The following TNR variants were observed in gnomAD, a reference collection of about 807,000 sequenced individuals.
TNR encodes tenascin-R.
In TNR, 45 loss-of-function variants were observed where a neutral mutation model predicts 150.4. That is an observed-to-expected ratio of 0.30 (90% CI 0.24 to 0.38). The LOEUF (loss-of-function observed/expected upper bound fraction) is 0.38. Among genes scored for constraint, TNR ranks in the 10% least tolerant of loss-of-function variants. TNR has a pLI of 1.00. For missense variants in TNR, 1,544 were observed against 1,759.1 expected (o/e 0.88, Z 2.19); for synonymous variants, 687 against 678.4 (o/e 1.01, Z -0.20).
At chr1:175,554,220 TG>T (rs1364375210) in intron 1 of TNR, among the ~76,000 whole-genome samples, 1 of 151,892 alleles carries the variant, frequency 6.6e-6, no homozygotes, top group African/African-American at 2.4e-5. Context: ...GAGTCAAAGG[TG>T]CTATCATTTC....
chr1:175,409,343 G>A lies in TNR; in HGVS notation c.-63-2566C>T, dbSNP rs1472007974. 2.0e-5 allele frequency among the ~76,000 whole-genome samples: 3 copies of A among 152,290 alleles called. No individual in the cohort carries two copies. The East Asian group carries it at 5.8e-4, about 29-fold the overall frequency. ...TGCACATAGTTGACACTCAAAATAA[G>A]TGAATGAATAAATGACATTATCAAC... is the stretch of plus-strand genomic sequence containing the variant. On this transcript the variant is annotated intron_variant, in intron 2 of 22. Coordinates refer to ENST00000367674, the MANE Select transcript of TNR (RefSeq NM_003285.3).
intron 10 of TNR, among the ~76,000 whole-genome samples, chr1:175,366,670 A>G (rs1048847607): frequency 2.0e-5 from 3 of 152,262 alleles, no homozygotes; most frequent in African/African-American, 7.2e-5. Context: ...AGCCCAGCCC[A>G]GGCTGCTAGT....
At chr1:175,717,462 T>G (rs1324007266) in intron 1 of TNR, among the ~76,000 whole-genome samples, 1 of 152,170 alleles carries the variant, frequency 6.6e-6, no homozygotes, top group Non-Finnish European at 1.5e-5. Context: ...ACTTTTAAAG[T>G]GTTCATCATT....
At chr1:175,468,753 T>C (rs749518376) in intron 2 of TNR, among the ~76,000 whole-genome samples, 13 of 152,146 alleles carry the variant, frequency 8.5e-5, no homozygotes, top group Non-Finnish European at 1.6e-4. Context: ...CCGCAGGTGC[T>C]TCAGTGTGGC....
At chr1:175,539,215 A>C (rs1660405484) in intron 1 of TNR, 1 of 152,270 alleles carries the variant, frequency 6.6e-6, no homozygotes, top group Non-Finnish European at 1.5e-5. Flanking sequence ...AAGGAAAAGA[A>C]AAAAGAAACA....
At chr1:175,422,514 G>C (rs1654793926) in intron 2 of TNR, among the ~76,000 whole-genome samples, 1 of 152,206 alleles carries the variant, frequency 6.6e-6, no homozygotes, top group Non-Finnish European at 1.5e-5. Flanking sequence ...TGGGAGAACT[G>C]CTGCTGGGAG....
chr1:175,662,363 C>T (rs1017229953), intron 1 of TNR, among the ~76,000 whole-genome samples: 2 of 152,016 alleles, frequency 1.3e-5, no homozygotes, highest in Admixed American at 6.5e-5. Flanking sequence ...GCCCGGTGGA[C>T]TCATTCCTGT....
chr1:175,370,273 G>A (rs960908599), intron 9 of TNR, among the ~76,000 whole-genome samples: 1 of 150,182 alleles, frequency 6.7e-6, no homozygotes, highest in Non-Finnish European at 1.5e-5. Flanking sequence ...CCAGTGCCTG[G>A]ATCTTAGCGG....
intron 2 of TNR, among the ~76,000 whole-genome samples, chr1:175,437,349 A>G (rs1655557739): frequency 6.6e-6 from 1 of 152,242 alleles, no homozygotes; most frequent in African/African-American, 2.4e-5. Context: ...GACACAACTT[A>G]CCAGAATCTC....
intron 2 of TNR, among the ~76,000 whole-genome samples, chr1:175,466,508 C>T (rs1180203381): frequency 6.6e-6 from 1 of 152,168 alleles, no homozygotes; most frequent in Non-Finnish European, 1.5e-5. Context: ...AACAAGCACC[C>T]CTTGCAAGAG....
At chr1:175,338,090 T>C (rs1464526586) in intron 18 of TNR, among the ~76,000 whole-genome samples, 2 of 152,220 alleles carry the variant, frequency 1.3e-5, no homozygotes, top group Non-Finnish European at 2.9e-5. Flanking sequence ...TACAGATGCA[T>C]GGGCCAAAAT....
chr1:175,702,861 G>A (rs891481746), intron 1 of TNR, among the ~76,000 whole-genome samples: 8 of 152,168 alleles, frequency 5.3e-5, no homozygotes, highest in African/African-American at 1.7e-4. Flanking sequence ...CTTGAAACAC[G>A]TAAAATCCTT....
intron 2 of TNR, among the ~76,000 whole-genome samples, chr1:175,472,837 A>G (rs1191913344): frequency 6.6e-6 from 1 of 152,088 alleles, no homozygotes. Flanking sequence ...TGGGCTTGTG[A>G]TGAATCAGGC....
chr1:175,447,422 A>G (rs1656104694), intron 2 of TNR, among the ~76,000 whole-genome samples: 1 of 152,170 alleles, frequency 6.6e-6, no homozygotes, highest in Non-Finnish European at 1.5e-5. Context: ...CATGGGTCTT[A>G]CATCATTCAT....
chr1:175,640,188 C>G lies in TNR; in HGVS notation c.-165+103038G>C, dbSNP rs143383885. The stretch of plus-strand genomic sequence containing the variant: ...AGCCTGAAGATTTTATCCCTGTATG[C>G]CTTCTACACAGCTTAAATTCAGATA... On this transcript the variant is annotated intron_variant, in intron 1 of 22. Coordinates refer to ENST00000367674, the MANE Select transcript of TNR (RefSeq NM_003285.3). 1.7e-3 allele frequency among the ~76,000 whole-genome samples: 253 copies of G among 152,304 alleles called. 3 individuals are homozygous for G. Among genetic ancestry groups the G allele is most frequent in the African/African-American group, 6.0e-3 (248 of 41,560 alleles).
intron 2 of TNR, among the ~76,000 whole-genome samples, chr1:175,479,565 A>C (rs917210242): frequency 6.6e-6 from 1 of 152,152 alleles, no homozygotes; most frequent in African/African-American, 2.4e-5. Flanking sequence ...GAGCCCCATC[A>C]GCAATTTTTG....
chr1:175,396,762 G>A lies in TNR; in HGVS notation c.1022C>T (p.Ser341Phe), dbSNP rs1216740543. ...DLRVAGISDRSIELEWDGPMA... is the reference protein window; with the variant it reads ...DLRVAGISDRFIELEWDGPMA... ...CGGCCCGTCCCATTCCAGCTCAATG[G>A]ACCTGTCGCTGATACCAGCCACTCG... Residue 341 changes from serine to phenylalanine, a missense_variant, in exon 5 of 23, where the codon TCC becomes TTC. Coordinates refer to ENST00000367674, the MANE Select transcript of TNR (RefSeq NM_003285.3). 1.2e-6 allele frequency: 2 copies of A among 1,614,088 alleles called. No individual in the cohort carries two copies. Among genetic ancestry groups the A allele is most frequent in the Admixed American group, 1.7e-5 (1 of 60,022 alleles).
intron 1 of TNR, among the ~76,000 whole-genome samples, chr1:175,654,032 T>C (rs1318361162): frequency 6.6e-6 from 1 of 152,194 alleles, no homozygotes; most frequent in Non-Finnish European, 1.5e-5. Flanking sequence ...GCATGCAAAA[T>C]ACTGCTTGAG....
chr1:175,379,815 G>T (rs1652590247), intron 8 of TNR, 78 bp from the exon 9 acceptor site: 1 of 1,495,522 alleles, frequency 6.7e-7, no homozygotes, highest in Non-Finnish European at 9.1e-7. Context: ...ACTCTGAAAA[G>T]ATTGGTGGTG....
Sources: allele counts gnomAD v4.1 joint callset (sites outside exome capture counted in the v4.1 genomes callset), GRCh38; gene constraint gnomAD v4.1.1; transcripts MANE v1.5; gene names NCBI Gene and HGNC (gene_info 2026-07-23, HGNC 2026-07-21).